TNIK: variants seen among roughly 807,000 people sequenced by gnomAD.
The protein encoded by TNIK is TRAF2 and NCK-interacting protein kinase.
In TNIK, 49 loss-of-function variants were observed where a neutral mutation model predicts 191.3. The observed-to-expected ratio is 0.26, with a 90% CI of 0.20 to 0.32. The LOEUF (loss-of-function observed/expected upper bound fraction) is 0.32, where lower values mean the gene tolerates loss of function less well. Ranked by LOEUF, TNIK falls within the 10% of genes least tolerant of loss-of-function variation. The pLI is 1.00. For missense variants in TNIK, 1,155 were observed against 1,702.3 expected (o/e 0.68, Z 5.66); for synonymous variants, 594 against 600.9 (o/e 0.99, Z 0.17).
At chr3:171,427,120 A>G (rs997191276) in intron 1 of TNIK, among the ~76,000 whole-genome samples, 7 of 152,186 alleles carry the variant, frequency 4.6e-5, no homozygotes, top group African/African-American at 1.7e-4. Context: ...GCTGGGCCGT[A>G]AACACATCTC....
intron 20 of TNIK, among the ~76,000 whole-genome samples, chr3:171,107,600 G>C (rs755588404): frequency 6.6e-6 from 1 of 152,172 alleles, no homozygotes; most frequent in Non-Finnish European, 1.5e-5. Flanking sequence ...TACGACGCCT[G>C]TTGGACCCTG....
intron 1 of TNIK, among the ~76,000 whole-genome samples, chr3:171,421,464 G>A (rs775844670): frequency 6.6e-6 from 1 of 152,184 alleles, no homozygotes; most frequent in Non-Finnish European, 1.5e-5. Flanking sequence ...AGGGAGCTGT[G>A]ATCCAACTTG....
chr3:171,203,611 C>T (rs1438436500), intron 4 of TNIK, among the ~76,000 whole-genome samples: 1 of 152,170 alleles, frequency 6.6e-6, no homozygotes, highest in Non-Finnish European at 1.5e-5. Flanking sequence ...ATTAAACCAC[C>T]ACCACCTTAT....
At chr3:171,153,631 C>G (rs1243875177) in intron 12 of TNIK, among the ~76,000 whole-genome samples, 3 of 152,152 alleles carry the variant, frequency 2.0e-5, no homozygotes, top group Non-Finnish European at 4.4e-5. Context: ...TGCAGCAGCC[C>G]AAGTTTCATT....
chr3:171,142,681 G>A (rs552543481), intron 12 of TNIK, among the ~76,000 whole-genome samples: 7 of 152,284 alleles, frequency 4.6e-5, no homozygotes, highest in African/African-American at 1.7e-4. Context: ...AGGAAGATGC[G>A]AGTAGAAAAC....
chr3:171,301,208 G>T (rs1752834509), intron 2 of TNIK, among the ~76,000 whole-genome samples: 1 of 151,898 alleles, frequency 6.6e-6, no homozygotes, highest in African/African-American at 2.4e-5. Flanking sequence ...TTGCCTACAT[G>T]GTGCTCTGGC....
At chr3:171,405,850 T>G (rs977282113) in intron 1 of TNIK, among the ~76,000 whole-genome samples, 2 of 152,184 alleles carry the variant, frequency 1.3e-5, no homozygotes, top group Non-Finnish European at 2.9e-5. Context: ...GTCACAGTCT[T>G]ACCTCAAAAA....
chr3:171,439,483 C>T (rs1726480397), intron 1 of TNIK: 1 of 151,434 alleles, frequency 6.6e-6, no homozygotes, highest in African/African-American at 2.5e-5. Flanking sequence ...CAAGATGTGG[C>T]TGCATTAATA....
Position 171,152,896 on chromosome 3 carries a change from C to G in TNIK, c.1221+4564G>C, listed in dbSNP as rs570971653. On this transcript the variant is annotated intron_variant, in intron 12 of 32. Transcript: ENST00000436636. Reference sequence around the variant, plus strand: ...ATGCCATTCTCCTGCCTCAGCTTCCCGAGTAGCTGGGACTACAGGCGCCTG... The same window carrying G: ...ATGCCATTCTCCTGCCTCAGCTTCCGGAGTAGCTGGGACTACAGGCGCCTG... 3.3e-5 allele frequency among the ~76,000 whole-genome samples: 5 copies of G among 152,010 alleles called. No homozygotes were observed. The South Asian group carries it at 6.2e-4, about 19-fold the overall frequency.
chr3:171,432,909 TG>T (rs1725547779), intron 1 of TNIK, among the ~76,000 whole-genome samples: 1 of 152,110 alleles, frequency 6.6e-6, no homozygotes, highest in East Asian at 1.9e-4. Flanking sequence ...AACAATGAGT[TG>T]TACTTAATAT....
In TNIK at chr3:171,443,535, T is replaced by A. The variant is rs1727100284; in HGVS notation, c.57+16472A>T. Among the ~76,000 whole-genome samples, 3 of 152,200 alleles carry A rather than the reference T, an allele frequency of 2.0e-5. No homozygotes were observed. The South Asian group carries it at 6.2e-4, about 32-fold the overall frequency. ...CATCTAGAGCAGTTAGTATTCCCGA[T>A]TTAAAGGCTTGAACAGGGCCCAGCA... On this transcript the variant is annotated intron_variant, in intron 1 of 32. Transcript: ENST00000436636.
chr3:171,252,061 TGC>T (rs1337231745), intron 2 of TNIK, among the ~76,000 whole-genome samples: 2 of 133,818 alleles, frequency 1.5e-5, no homozygotes, highest in African/African-American at 5.6e-5. Context: ...AAATCTGGTA[TGC>T]GTGTGTGTGT....
chr3:171,458,261 T>A (rs1565568), intron 1 of TNIK, among the ~76,000 whole-genome samples: 26,824 of 147,294 alleles, frequency 0.18, 2,494 homozygotes, highest in Admixed American at 0.23. Context: ...GTAGGGCAAA[T>A]GAACACACAC....
rs562626032 is a variant in TNIK, at chr3:171,453,991, A to G, written c.57+6016T>C. 2.0e-5 allele frequency among the ~76,000 whole-genome samples: 3 copies of G among 152,306 alleles called. No homozygotes were observed. In the East Asian group the frequency reaches 5.8e-4, roughly 29 times the overall value. On this transcript the variant is annotated intron_variant, in intron 1 of 32. Coordinates refer to ENST00000436636, the MANE Select transcript of TNIK (RefSeq NM_015028.4). ...CCTCTCTCTCCACTAGAGACCTTAT[A>G]TTTATATGTGCAGAATAACATTTCA... is the stretch of plus-strand genomic sequence containing the variant.
chr3:171,319,323 G>T (rs183431358), intron 2 of TNIK, among the ~76,000 whole-genome samples: 3 of 152,224 alleles, frequency 2.0e-5, no homozygotes, highest in Admixed American at 6.5e-5. Flanking sequence ...TGTTTATATT[G>T]TTGGGCAAAA....
At chr3:171,415,998 G>GAAAAAA (rs58082222) in intron 1 of TNIK, among the ~76,000 whole-genome samples, 3 of 86,672 alleles carry the variant, frequency 3.5e-5, no homozygotes, top group African/African-American at 9.8e-5. Flanking sequence ...AAAAAAAAAA[G>GAAAAAA]AAAGAAAAAG....
At chr3:171,100,344 A>T (rs1723291812) in intron 22 of TNIK, among the ~76,000 whole-genome samples, 1 of 152,210 alleles carries the variant, frequency 6.6e-6, no homozygotes, top group Non-Finnish European at 1.5e-5. Context: ...CAAAATAACC[A>T]GTATGGATTT....
At chr3:171,259,636 G>A (rs2109121396) in intron 2 of TNIK, among the ~76,000 whole-genome samples, 1 of 152,278 alleles carries the variant, frequency 6.6e-6, no homozygotes, top group East Asian at 1.9e-4. Flanking sequence ...CAAATTGCCT[G>A]GCTAATCTCA....
chr3:171,065,387 G>A (rs1718306888), intron 32 of TNIK, among the ~76,000 whole-genome samples: 1 of 152,190 alleles, frequency 6.6e-6, no homozygotes, highest in Non-Finnish European at 1.5e-5. Context: ...GGGAACTGGG[G>A]TGGACAAAGG....
Sources: allele counts gnomAD v4.1 joint callset (sites outside exome capture counted in the v4.1 genomes callset), GRCh38; gene constraint gnomAD v4.1.1; transcripts MANE v1.5; gene names NCBI Gene and HGNC (gene_info 2026-07-23, HGNC 2026-07-21).